The following CDH12 variants were observed in gnomAD, a reference collection of about 807,000 sequenced individuals.
The protein encoded by CDH12 is cadherin 12, also known as cadherin-12.
In CDH12, 41 loss-of-function variants were observed where a neutral mutation model predicts 74.1. The observed-to-expected ratio is 0.55, with a 90% CI of 0.43 to 0.72. CDH12 has a LOEUF of 0.72. CDH12 is among the 30% of genes least tolerant of loss of function. CDH12 has a pLI of 0.00. For synonymous variants in CDH12, 399 were observed against 355.0 expected (o/e 1.12, Z -1.39); for missense variants, 945 against 977.2 (o/e 0.97, Z 0.44).
intron 1 of CDH12, among the ~76,000 whole-genome samples, chr5:22,701,908 T>C (rs1742732090): frequency 6.6e-6 from 1 of 152,174 alleles, no homozygotes; most frequent in Admixed American, 6.5e-5. Context: ...AGCTCAATCA[T>C]ATGACATTCC....
chr5:22,369,119 A>G (rs1741159994), intron 3 of CDH12, among the ~76,000 whole-genome samples: 1 of 152,180 alleles, frequency 6.6e-6, no homozygotes, highest in Non-Finnish European at 1.5e-5. Context: ...ACAGAGCAAG[A>G]CTATCTCAAA....
chr5:21,790,097 G>T (rs1746407807), intron 10 of CDH12, among the ~76,000 whole-genome samples: 1 of 152,052 alleles, frequency 6.6e-6, no homozygotes, highest in African/African-American at 2.4e-5. Flanking sequence ...TTTAGGCCCA[G>T]AAAACTCCTC....
intron 3 of CDH12, among the ~76,000 whole-genome samples, chr5:22,354,105 T>C (rs1228304320): frequency 6.6e-6 from 1 of 152,150 alleles, no homozygotes; most frequent in Non-Finnish European, 1.5e-5. Context: ...GCCTATGTTC[T>C]TGAGTTCAGA....
chr5:22,765,351 G>A (rs542996473), intron 1 of CDH12, among the ~76,000 whole-genome samples: 3 of 152,050 alleles, frequency 2.0e-5, no homozygotes, highest in South Asian at 2.1e-4. Context: ...GGTTGTAGCA[G>A]ATAATGATAT....
chr5:22,077,683 T>G (rs922681709), intron 5 of CDH12, among the ~76,000 whole-genome samples: 16 of 152,006 alleles, frequency 1.1e-4, no homozygotes, highest in Non-Finnish European at 2.2e-4. Flanking sequence ...GTTCTAGACA[T>G]GGGTGAAAAC....
At chr5:21,983,968 A>G (rs1757414963) in intron 5 of CDH12, among the ~76,000 whole-genome samples, 1 of 152,066 alleles carries the variant, frequency 6.6e-6, no homozygotes, top group South Asian at 2.1e-4. Flanking sequence ...ACTTTTTGAA[A>G]ACTCTAATTA....
chr5:21,972,897 T>C (rs530930104), intron 6 of CDH12, among the ~76,000 whole-genome samples: 1 of 151,788 alleles, frequency 6.6e-6, no homozygotes, highest in Non-Finnish European at 1.5e-5. Context: ...AATACCCTTC[T>C]GTTATTAAAA....
At position 22,788,502 on chromosome 5, in the gene CDH12, C is replaced by T. The variant is rs200598817; in HGVS notation, c.-523+64556G>A. On this transcript the variant is annotated intron_variant, in intron 1 of 14. Coordinates refer to ENST00000382254, the MANE Select transcript of CDH12 (RefSeq NM_004061.5). ...ATTGAATACTCACTATATGTCATTCCAATAATTCTTTATAATATAAAAATT... is the reference window on the plus strand; with the variant it reads ...ATTGAATACTCACTATATGTCATTCTAATAATTCTTTATAATATAAAAATT... Among the ~76,000 whole-genome samples, 3 of 148,858 alleles carry T rather than the reference C, an allele frequency of 2.0e-5. No homozygotes were observed. In the East Asian group the frequency reaches 5.9e-4, roughly 29 times the overall value.
At chr5:22,747,755 C>T (rs188237361) in intron 1 of CDH12, among the ~76,000 whole-genome samples, 214 of 152,090 alleles carry the variant, frequency 1.4e-3, no homozygotes, top group African/African-American at 4.8e-3. Flanking sequence ...GAATGATTTA[C>T]GATTCCTAGT....
intron 3 of CDH12, among the ~76,000 whole-genome samples, chr5:22,398,347 G>T (rs1742554627): frequency 6.6e-6 from 1 of 151,976 alleles, no homozygotes; most frequent in Non-Finnish European, 1.5e-5. Flanking sequence ...AGCCCCACTG[G>T]GTAAAATATA....
intron 11 of CDH12, among the ~76,000 whole-genome samples, chr5:21,770,074 A>T (rs1256171070): frequency 1.3e-5 from 2 of 152,200 alleles, no homozygotes; most frequent in African/African-American, 4.8e-5. Context: ...ATGATCAAGT[A>T]TCCTCACTGA....
intron 2 of CDH12, among the ~76,000 whole-genome samples, chr5:22,444,363 C>T (rs1466130534): frequency 6.6e-6 from 1 of 152,004 alleles, no homozygotes; most frequent in Non-Finnish European, 1.5e-5. Context: ...ACTTCTCCCT[C>T]TCGTTTGTAG....
intron 3 of CDH12, among the ~76,000 whole-genome samples, chr5:22,302,913 T>C (rs1737952570): frequency 6.6e-6 from 1 of 152,124 alleles, no homozygotes; most frequent in South Asian, 2.1e-4. Flanking sequence ...CTTAAAAATA[T>C]CATGTTAACC....
intron 3 of CDH12, among the ~76,000 whole-genome samples, chr5:22,323,326 G>T (rs1738961220): frequency 6.6e-6 from 1 of 152,026 alleles, no homozygotes; most frequent in Non-Finnish European, 1.5e-5. Flanking sequence ...AAACATATGT[G>T]CAGCTTTATT....
chr5:22,073,367 T>C (rs899227868), intron 5 of CDH12, among the ~76,000 whole-genome samples: 2 of 152,134 alleles, frequency 1.3e-5, no homozygotes, highest in Non-Finnish European at 2.9e-5. Flanking sequence ...TCTGGATACC[T>C]AACTTGGAGG....
chr5:22,430,661 A>G (rs1744132396), intron 2 of CDH12, among the ~76,000 whole-genome samples: 1 of 152,124 alleles, frequency 6.6e-6, no homozygotes. Flanking sequence ...GTATACTGCA[A>G]CAAATTGTTA....
At chr5:22,080,781 TTTTC>T (rs1167186971) in intron 4 of CDH12, among the ~76,000 whole-genome samples, 3 of 151,998 alleles carry the variant, frequency 2.0e-5, no homozygotes, top group African/African-American at 7.3e-5. Flanking sequence ...TTTCTTTCTT[TTTTC>T]TTTTTCTTTT....
intron 6 of CDH12, among the ~76,000 whole-genome samples, chr5:21,941,108 C>T (rs1755310795): frequency 6.6e-6 from 1 of 152,066 alleles, no homozygotes; most frequent in Non-Finnish European, 1.5e-5. Flanking sequence ...TTCACTGCTG[C>T]CTGCCAGCTA....
At chr5:22,361,260 A>C (rs1355575189) in intron 3 of CDH12, among the ~76,000 whole-genome samples, 6 of 152,166 alleles carry the variant, frequency 3.9e-5, no homozygotes, top group African/African-American at 1.4e-4. Context: ...ATGTGCAAAA[A>C]TCACAAGCAT....
Sources: allele counts gnomAD v4.1 joint callset (sites outside exome capture counted in the v4.1 genomes callset), GRCh38; gene constraint gnomAD v4.1.1; transcripts MANE v1.5; gene names NCBI Gene and HGNC (gene_info 2026-07-23, HGNC 2026-07-21).